The following LINGO2 variants were observed in gnomAD, a reference collection of about 807,000 sequenced individuals.
LINGO2 encodes leucine-rich repeat and immunoglobulin-like domain-containing nogo receptor-interacting protein 2.
Under a neutral mutation model 30.6 loss-of-function variants are expected in LINGO2, and 14 were observed. That is an observed-to-expected ratio of 0.46 (90% CI 0.30 to 0.72). The LOEUF is 0.72. Ranked by LOEUF, LINGO2 falls within the 30% of genes least tolerant of loss-of-function variation. The probability of loss-of-function intolerance (pLI) is 0.07; values close to 1 mark genes in which losing one functional copy is unlikely to be tolerated. For synonymous variants in LINGO2, 317 were observed against 288.5 expected (o/e 1.10, Z -1.00); for missense variants, 729 against 751.7 (o/e 0.97, Z 0.35).
At chr9:28,852,265 T>C in the LINGO2 span, among the ~76,000 whole-genome samples, 1 of 151,954 alleles carries the variant, frequency 6.6e-6, no homozygotes, top group Non-Finnish European at 1.5e-5. Flanking sequence ...CTAGATATTA[T>C]CTAAGGTAGG....
At chr9:28,262,137 A>T (rs1822584874) in intron 4 of LINGO2, among the ~76,000 whole-genome samples, 1 of 151,950 alleles carries the variant, frequency 6.6e-6, no homozygotes, top group Non-Finnish European at 1.5e-5. Flanking sequence ...TGCTTTTTTT[A>T]AATTTCTTTT....
the LINGO2 span, among the ~76,000 whole-genome samples, chr9:28,934,353 C>T: frequency 6.6e-6 from 1 of 152,110 alleles, no homozygotes; most frequent in Non-Finnish European, 1.5e-5. Flanking sequence ...TTAGAAAGAG[C>T]CTGAAAATGA....
At chr9:29,065,507 C>T in the LINGO2 span, among the ~76,000 whole-genome samples, 1 of 152,146 alleles carries the variant, frequency 6.6e-6, no homozygotes, top group African/African-American at 2.4e-5. Flanking sequence ...TCTCTCAGCA[C>T]CATTTATTGA....
downstream of LINGO2, chr9:27,943,674 A>G (rs898646342): frequency 6.6e-5 from 10 of 151,746 alleles, no homozygotes; most frequent in African/African-American, 2.4e-4. Flanking sequence ...TCAGTTACCA[A>G]TGAAAGAAGA....
At position 28,372,285 on chromosome 9, in the gene LINGO2, G is replaced by A. The variant is rs1564157072; in HGVS notation, c.-246+551C>T. 2.6e-5 allele frequency among the ~76,000 whole-genome samples: 4 copies of A among 152,266 alleles called. No homozygotes were observed. In the South Asian group the frequency reaches 8.3e-4, roughly 32 times the overall value. ...ATAATGTTTTCTAATAGCTATTGGT[G>A]CAAAGCTAAGGATATATTTCTCTCT... On this transcript the variant is annotated intron_variant, in intron 3 of 5. Transcript: ENST00000379992.
the LINGO2 span, among the ~76,000 whole-genome samples, chr9:29,205,706 T>A: frequency 1.3e-5 from 2 of 152,290 alleles, no homozygotes; most frequent in Admixed American, 1.3e-4. Context: ...ATTTTTTGTT[T>A]TGTGTTTGGG....
the LINGO2 span, among the ~76,000 whole-genome samples, chr9:29,061,373 G>T: frequency 1.3e-5 from 2 of 151,726 alleles, no homozygotes; most frequent in Non-Finnish European, 2.9e-5. Context: ...GGAACCAAAA[G>T]TAGCCAAAAC....
intron 4 of LINGO2, among the ~76,000 whole-genome samples, chr9:28,220,389 A>G (rs538329834): frequency 6.6e-6 from 1 of 152,296 alleles, no homozygotes; most frequent in East Asian, 1.9e-4. Flanking sequence ...TTATCACACA[A>G]AAGCAAGTTC....
chr9:28,632,873 TATATATGTAGAGAGAG>T (rs1827056972), intron 1 of LINGO2, among the ~76,000 whole-genome samples: 4 of 100,524 alleles, frequency 4.0e-5, no homozygotes, highest in East Asian at 3.1e-4. Flanking sequence ...TATATATATA[TATATATGTAGAGAGAG>T]AGAGAGAGAG....
intron 4 of LINGO2, among the ~76,000 whole-genome samples, chr9:28,099,618 A>T (rs1433932171): frequency 6.6e-6 from 1 of 152,172 alleles, no homozygotes; most frequent in Non-Finnish European, 1.5e-5. Flanking sequence ...CTGTTCTGTC[A>T]CCTCAGAATT....
chr9:28,920,827 G>T, the LINGO2 span, among the ~76,000 whole-genome samples: 6 of 151,978 alleles, frequency 3.9e-5, no homozygotes, highest in Non-Finnish European at 7.4e-5. Flanking sequence ...TAAACCCCTG[G>T]CCACACACTT....
intron 4 of LINGO2, among the ~76,000 whole-genome samples, chr9:28,165,326 C>G (rs1828395763): frequency 6.6e-6 from 1 of 152,142 alleles, no homozygotes. Flanking sequence ...TGTTTCTTCA[C>G]TGAACTCAGA....
chr9:28,125,265 C>T (rs955105782), intron 4 of LINGO2, among the ~76,000 whole-genome samples: 12 of 152,162 alleles, frequency 7.9e-5, no homozygotes, highest in Admixed American at 6.5e-4. Flanking sequence ...GCATAACAAT[C>T]CATTGGCTTA....
At chr9:28,961,909 A>T in the LINGO2 span, among the ~76,000 whole-genome samples, 3 of 152,054 alleles carry the variant, frequency 2.0e-5, no homozygotes, top group African/African-American at 7.2e-5. Context: ...TGGAAAACTT[A>T]ACGTTAATAC....
At chr9:28,175,805 T>C (rs1365553734) in intron 4 of LINGO2, among the ~76,000 whole-genome samples, 1 of 152,190 alleles carries the variant, frequency 6.6e-6, no homozygotes, top group African/African-American at 2.4e-5. Context: ...CTAGAATCTC[T>C]CCAGCGCTCT....
At chr9:29,103,317 T>C in the LINGO2 span, among the ~76,000 whole-genome samples, 2 of 141,912 alleles carry the variant, frequency 1.4e-5, no homozygotes, top group African/African-American at 4.9e-5. Flanking sequence ...CTTGTTAGTC[T>C]ACAGTGACAT....
chr9:28,760,039 T>C, the LINGO2 span, among the ~76,000 whole-genome samples: 1 of 152,076 alleles, frequency 6.6e-6, no homozygotes, highest in Non-Finnish European at 1.5e-5. Context: ...AGAAACTTAC[T>C]GTATAGACAA....
chr9:28,216,609 G>A (rs1820776721), intron 4 of LINGO2, among the ~76,000 whole-genome samples: 1 of 151,880 alleles, frequency 6.6e-6, no homozygotes, highest in African/African-American at 2.4e-5. Flanking sequence ...TATTTGAGTT[G>A]AGAATGCAAT....
At chr9:28,393,310 T>C (rs963131236) in intron 2 of LINGO2, among the ~76,000 whole-genome samples, 11 of 152,238 alleles carry the variant, frequency 7.2e-5, no homozygotes, top group African/African-American at 2.7e-4. Context: ...AAGCACACTT[T>C]GTATTATCTC....
Sources: gnomAD v4.1 joint callset for allele counts (sites outside exome capture counted in the v4.1 genomes callset) on GRCh38, gnomAD v4.1.1 for gene constraint, MANE v1.5 for transcripts, NCBI Gene and HGNC (gene_info 2026-07-23, HGNC 2026-07-21) for gene names.